The following OPCML variants were observed in gnomAD, a reference collection of about 807,000 sequenced individuals.
The protein encoded by OPCML is opioid-binding protein/cell adhesion molecule.
OPCML carries 13 observed loss-of-function variants against 37.8 expected under a neutral mutation model. The observed-to-expected ratio is 0.34, with a 90% CI of 0.22 to 0.55. The LOEUF is 0.55. OPCML is among the 20% of genes least tolerant of loss of function. The pLI is 0.91. For missense variants in OPCML, 341 were observed against 435.6 expected (o/e 0.78, Z 1.93); for synonymous variants, 176 against 168.8 (o/e 1.04, Z -0.33).
At chr11:133,034,268 G>C (rs983220879) in intron 1 of OPCML, among the ~76,000 whole-genome samples, 2 of 150,980 alleles carry the variant, frequency 1.3e-5, no homozygotes, top group African/African-American at 4.9e-5. Flanking sequence ...CCAAAGGCCA[G>C]TGTCATTACT....
At chr11:132,566,384 T>C (rs1023902113) in intron 3 of OPCML, among the ~76,000 whole-genome samples, 1 of 152,212 alleles carries the variant, frequency 6.6e-6, no homozygotes, top group African/African-American at 2.4e-5. Context: ...TGTTGTCAGC[T>C]CTACTCTTTC....
chr11:133,082,824 C>T (rs964061107), intron 1 of OPCML, among the ~76,000 whole-genome samples: 1 of 149,118 alleles, frequency 6.7e-6, no homozygotes, highest in African/African-American at 2.4e-5. Flanking sequence ...GGCCCACCAA[C>T]CCGGAGAGGT....
At chr11:133,328,954 C>T (rs1943548930) in intron 1 of OPCML, among the ~76,000 whole-genome samples, 4 of 152,186 alleles carry the variant, frequency 2.6e-5, no homozygotes, top group Admixed American at 6.5e-5. Context: ...AGCCCAAAAT[C>T]GCCTCAAGCT....
intron 2 of OPCML, among the ~76,000 whole-genome samples, chr11:132,658,690 A>T (rs947207338): frequency 2.0e-5 from 3 of 152,212 alleles, no homozygotes; most frequent in African/African-American, 7.2e-5. Flanking sequence ...ATATTGCAGG[A>T]AGACATTGTT....
Position 132,497,426 on chromosome 11 carries a change from A to AG in OPCML, c.505+31634_505+31635insC, listed in dbSNP as rs1592267568. 2.0e-5 allele frequency among the ~76,000 whole-genome samples: 3 copies of AG among 152,114 alleles called. No homozygotes were observed. The East Asian group carries it at 5.8e-4, about 29-fold the overall frequency. On this transcript the variant is annotated intron_variant, in intron 4 of 7. Transcript: ENST00000524381. ...AAAATAAAAGCTGAACAAAAAAAAA[A>AG]AAAAGAAAAATGCTATGGAAAAATT...
In OPCML at chr11:133,493,070, C is replaced by G. The variant is rs557848650; in HGVS notation, c.61+39194G>C. Among the ~76,000 whole-genome samples, 3 of 152,284 alleles carry G rather than the reference C, an allele frequency of 2.0e-5. No individual in the cohort carries two copies. In the East Asian group the frequency reaches 5.8e-4, roughly 29 times the overall value. ...TATCTGCATCTCAAACTGAGGGCTC[C>G]TCTCCCCTCAAAACTCTCCAATGCA... On this transcript the variant is annotated intron_variant, in intron 1 of 7. Coordinates refer to ENST00000524381, the MANE Select transcript of OPCML (RefSeq NM_001012393.5).
chr11:132,925,543 G>T (rs745641726), intron 2 of OPCML, among the ~76,000 whole-genome samples: 7 of 152,180 alleles, frequency 4.6e-5, no homozygotes, highest in Non-Finnish European at 8.8e-5. Context: ...ACCCACGAAA[G>T]TATGGGGACT....
intron 7 of OPCML, among the ~76,000 whole-genome samples, chr11:132,421,376 C>T (rs1471827009): frequency 6.6e-6 from 1 of 152,184 alleles, no homozygotes; most frequent in Non-Finnish European, 1.5e-5. Context: ...CAAGCCAGGA[C>T]TTCACAGCTT....
chr11:133,304,437 G>T (rs532324310), intron 1 of OPCML, among the ~76,000 whole-genome samples: 5 of 152,142 alleles, frequency 3.3e-5, no homozygotes, highest in African/African-American at 1.2e-4. Context: ...CCATGAACTG[G>T]GACCTGTTAT....
intron 3 of OPCML, among the ~76,000 whole-genome samples, chr11:132,626,164 A>T (rs1939727165): frequency 6.6e-6 from 1 of 151,414 alleles, no homozygotes; most frequent in Non-Finnish European, 1.5e-5. Context: ...TGAACAGGGT[A>T]AAATGGGGCT....
At chr11:132,900,909 G>A (rs1466546801) in intron 2 of OPCML, among the ~76,000 whole-genome samples, 5 of 152,212 alleles carry the variant, frequency 3.3e-5, no homozygotes, top group South Asian at 4.1e-4. Context: ...GTCTATCTCC[G>A]GGGCCGGGTG....
intron 1 of OPCML, among the ~76,000 whole-genome samples, chr11:133,195,412 CT>C (rs1265046404): frequency 6.6e-6 from 1 of 152,182 alleles, no homozygotes; most frequent in Non-Finnish European, 1.5e-5. Context: ...GTATGTGTGC[CT>C]TTCTGCAAAA....
At chr11:132,522,284 C>G (rs1384030804) in intron 4 of OPCML, among the ~76,000 whole-genome samples, 1 of 152,180 alleles carries the variant, frequency 6.6e-6, no homozygotes, top group Non-Finnish European at 1.5e-5. Context: ...CATTCCCACT[C>G]TACACTCAGG....
At chr11:133,018,716 T>C (rs564060959) in intron 1 of OPCML, among the ~76,000 whole-genome samples, 1 of 152,346 alleles carries the variant, frequency 6.6e-6, no homozygotes, top group South Asian at 2.1e-4. Flanking sequence ...GGAAACAGCC[T>C]CTTCCTGATC....
chr11:132,661,974 G>C (rs1273959531), intron 2 of OPCML, among the ~76,000 whole-genome samples: 1 of 152,170 alleles, frequency 6.6e-6, no homozygotes, highest in Non-Finnish European at 1.5e-5. Flanking sequence ...GAGGAAAGAA[G>C]GTATAAATGA....
intron 1 of OPCML, chr11:133,422,406 C>A: frequency 1.1e-6 from 1 of 904,390 alleles, no homozygotes; most frequent in Non-Finnish European, 1.3e-6. Flanking sequence ...TATATATGCG[C>A]CAGTTCAAAC....
At position 133,212,611 on chromosome 11, in the gene OPCML, C is replaced by T. The variant is rs1939410481; in HGVS notation, c.62-269601G>A. ...TTTACTTTCTCACTTGTCCAAAGCC[C>T]TTGTCATCTTCTAACAGCCTCTGTG... On this transcript the variant is annotated intron_variant, in intron 1 of 7. Transcript: ENST00000524381. The surrounding 1 kb of genome is among the most constrained non-coding windows in gnomAD (Gnocchi z 4.9). Among the ~76,000 whole-genome samples the T allele has an allele frequency of 6.6e-6, 1 of 152,242 alleles. No individual in the cohort carries two copies. The highest frequency in any genetic ancestry group is 1.5e-5 in the Non-Finnish European group (1 of 68,052).
chr11:132,507,782 T>C lies in OPCML; in HGVS notation c.505+21279A>G, dbSNP rs559464810. Among the ~76,000 whole-genome samples the C allele has an allele frequency of 1.3e-4, 19 of 151,990 alleles. No homozygotes were observed. The South Asian group carries it at 4.0e-3, about 32-fold the overall frequency. On this transcript the variant is annotated intron_variant, in intron 4 of 7. Coordinates refer to ENST00000524381, the MANE Select transcript of OPCML (RefSeq NM_001012393.5). The stretch of plus-strand genomic sequence containing the variant: ...GTTGTAAACAAAACTTACAGACATG[T>C]TTCTTAAAAATATGATAAACTAGAG...
intron 2 of OPCML, among the ~76,000 whole-genome samples, chr11:132,711,667 G>GTA (rs752869304): frequency 2.0e-5 from 3 of 152,154 alleles, no homozygotes; most frequent in Non-Finnish European, 4.4e-5. Flanking sequence ...GTGTATGTAT[G>GTA]TATATGTGTG....
Sources: gnomAD v4.1 joint callset for allele counts (sites outside exome capture counted in the v4.1 genomes callset) on GRCh38, gnomAD v4.1.1 for gene constraint, Gnocchi (gnomAD v3.1) non-coding constraint, MANE v1.5 for transcripts, NCBI Gene and HGNC (gene_info 2026-07-23, HGNC 2026-07-21) for gene names.